The following OSBPL11 variants were observed in gnomAD, a reference collection of about 807,000 sequenced individuals.
The protein encoded by OSBPL11 is oxysterol-binding protein-related protein 11.
A neutral mutation model predicts 84.4 loss-of-function variants in OSBPL11; 33 were observed. That is an observed-to-expected ratio of 0.39 (90% CI 0.30 to 0.52). OSBPL11 has a LOEUF of 0.52. Ranked by LOEUF, OSBPL11 falls within the 20% of genes least tolerant of loss-of-function variation. OSBPL11 has a pLI of 0.72. For synonymous variants in OSBPL11, 276 were observed against 310.2 expected (o/e 0.89, Z 1.16); for missense variants, 736 against 901.1 (o/e 0.82, Z 2.35).
At chr3:125,542,412 A>G (rs556412876) in intron 10 of OSBPL11, among the ~76,000 whole-genome samples, 2 of 151,370 alleles carry the variant, frequency 1.3e-5, no homozygotes, top group African/African-American at 4.9e-5. Flanking sequence ...CTCGGCTCAC[A>G]GCAACCTCTG....
Position 125,595,309 on chromosome 3 carries a change from G to A in OSBPL11, c.-509C>T, listed in dbSNP as rs925854015. Among the ~76,000 whole-genome samples the A allele has an allele frequency of 6.6e-6, 1 of 151,576 alleles. No individual in the cohort carries two copies. Among genetic ancestry groups the A allele is most frequent in the Non-Finnish European group, 1.5e-5 (1 of 67,872 alleles). Reference sequence around the variant, plus strand: ...CCCGAGATACAGCCAGGGCCGGCGCGCGCAGCCGGGGAGGAGGGTCGGGGA... The same window carrying A: ...CCCGAGATACAGCCAGGGCCGGCGCACGCAGCCGGGGAGGAGGGTCGGGGA... On this transcript the variant is annotated 5_prime_UTR_variant, in exon 1 of 13. Transcript: ENST00000296220.
intron 8 of OSBPL11, among the ~76,000 whole-genome samples, chr3:125,554,429 C>A (rs1380837491): frequency 6.6e-6 from 1 of 152,212 alleles, no homozygotes; most frequent in Non-Finnish European, 1.5e-5. Flanking sequence ...ATGATACTGA[C>A]ACCAAGTCTC....
chr3:125,546,747 C>T lies in OSBPL11; in HGVS notation c.1841+659G>A, dbSNP rs1935824015. 2.0e-5 allele frequency among the ~76,000 whole-genome samples: 3 copies of T among 152,026 alleles called. No homozygotes were observed. In the South Asian group the frequency reaches 6.2e-4, roughly 32 times the overall value. On this transcript the variant is annotated intron_variant, in intron 10 of 12. Coordinates refer to ENST00000296220, the MANE Select transcript of OSBPL11 (RefSeq NM_022776.5). ...CTCAACTAAAAATACAAAAAGCAGC[C>T]AGGCATGGTGGCACATGCCGTAATC...
intron 10 of OSBPL11, among the ~76,000 whole-genome samples, chr3:125,542,756 C>A (rs981526723): frequency 6.6e-6 from 1 of 152,048 alleles, no homozygotes; most frequent in African/African-American, 2.4e-5. Context: ...GTGATCTACC[C>A]GCCTCGGCCT....
intron 6 of OSBPL11, among the ~76,000 whole-genome samples, chr3:125,565,623 T>C (rs1936142067): frequency 6.6e-6 from 1 of 152,038 alleles, no homozygotes. Flanking sequence ...ACAGTGGTGG[T>C]TTCTGGTTGG....
At chr3:125,569,554 A>G (rs1288967267) in intron 5 of OSBPL11, among the ~76,000 whole-genome samples, 1 of 152,190 alleles carries the variant, frequency 6.6e-6, no homozygotes, top group Non-Finnish European at 1.5e-5. Context: ...AACACGCAGA[A>G]CCACTCTGAA....
intron 5 of OSBPL11, among the ~76,000 whole-genome samples, chr3:125,568,387 C>T (rs867986474): frequency 4.7e-5 from 7 of 150,072 alleles, no homozygotes; most frequent in East Asian, 2.0e-4. Context: ...GCCAAGATCG[C>T]GCCACTGCAT....
chr3:125,545,465 T>G (rs1446206029), intron 10 of OSBPL11, among the ~76,000 whole-genome samples: 2 of 152,220 alleles, frequency 1.3e-5, no homozygotes, highest in East Asian at 3.8e-4. Flanking sequence ...AACTATTACA[T>G]ATGAGTTTTT....
At chr3:125,553,663 T>A (rs1935947122) in intron 8 of OSBPL11, among the ~76,000 whole-genome samples, 1 of 152,158 alleles carries the variant, frequency 6.6e-6, no homozygotes, top group South Asian at 2.1e-4. Flanking sequence ...GGAAAAGCAA[T>A]GTGAAAAAAT....
chr3:125,575,815 G>A (rs1421708650), intron 5 of OSBPL11, among the ~76,000 whole-genome samples: 2 of 151,904 alleles, frequency 1.3e-5, no homozygotes, highest in African/African-American at 4.8e-5. Context: ...GAGATTACAG[G>A]CTTGAGCCAT....
At chr3:125,575,070 C>T (rs1397945181) in intron 5 of OSBPL11, among the ~76,000 whole-genome samples, 1 of 152,188 alleles carries the variant, frequency 6.6e-6, no homozygotes, top group Non-Finnish European at 1.5e-5. Flanking sequence ...AACACATTAT[C>T]TGTGAATGGC....
In OSBPL11 at chr3:125,579,853, T is replaced by C. The variant is rs1038312813; in HGVS notation, c.409+12A>G. ...GAAAATCACAGTATTAATTCTCATA[T>C]TTTGGTCATACCTCTGAGTTTATAT... is the stretch of plus-strand genomic sequence containing the variant. On this transcript the variant is annotated intron_variant, in intron 3 of 12. Coordinates refer to ENST00000296220, the MANE Select transcript of OSBPL11 (RefSeq NM_022776.5). 1 of 1,611,918 alleles carries C rather than the reference T, an allele frequency of 6.2e-7. No individual in the cohort carries two copies. The highest frequency in any genetic ancestry group is 8.5e-7 in the Non-Finnish European group (1 of 1,178,214).
At chr3:125,572,736 A>C (rs1475568402) in intron 5 of OSBPL11, among the ~76,000 whole-genome samples, 3 of 149,768 alleles carry the variant, frequency 2.0e-5, no homozygotes, top group Non-Finnish European at 4.4e-5. Flanking sequence ...AGTCCATCCA[A>C]CCTCTTTTTC....
At position 125,560,427 on chromosome 3, in the gene OSBPL11, G is replaced by T. The variant is rs36041008; in HGVS notation, c.1107C>A (p.Val369=). 5.7e-5 allele frequency: 92 copies of T among 1,602,092 alleles called. No homozygotes were observed. Among genetic ancestry groups the T allele is most frequent in the Non-Finnish European group, 7.5e-5 (88 of 1,173,276 alleles). Residue 369 remains valine (V), a synonymous_variant, in exon 8 of 13, where the codon GTC becomes GTA. Coordinates refer to ENST00000296220, the MANE Select transcript of OSBPL11 (RefSeq NM_022776.5). ...DLGAVEEQRS[V]ILHLLSQLKL... ...TAAGCTGTGACAAGAGATGTAGGAT[G>T]ACACTACGTTGTTCTTCTACAGCTC... is the stretch of plus-strand genomic sequence containing the variant.
At chr3:125,565,526 A>G (rs1049727304) in intron 6 of OSBPL11, among the ~76,000 whole-genome samples, 2 of 152,222 alleles carry the variant, frequency 1.3e-5, no homozygotes, top group Non-Finnish European at 2.9e-5. Context: ...ATACAAACGT[A>G]TATTTTCCAA....
intron 11 of OSBPL11, among the ~76,000 whole-genome samples, chr3:125,532,363 A>C (rs1462052911): frequency 2.0e-5 from 3 of 152,188 alleles, no homozygotes; most frequent in African/African-American, 7.2e-5. Context: ...ATGATGAAAT[A>C]ATGGGGAACA....
chr3:125,594,516 T>A, intron 1 of OSBPL11, 121 bp downstream of exon 1: 1 of 1,152,224 alleles, frequency 8.7e-7, no homozygotes, highest in Non-Finnish European at 1.2e-6. Context: ...ACGAGATGTA[T>A]CAGTAGCTTC....
chr3:125,554,137 T>C (rs1935955334), intron 8 of OSBPL11, among the ~76,000 whole-genome samples: 1 of 152,200 alleles, frequency 6.6e-6, no homozygotes, highest in Non-Finnish European at 1.5e-5. Flanking sequence ...CTCCACACTG[T>C]TAGTAACTAC....
intron 1 of OSBPL11, among the ~76,000 whole-genome samples, chr3:125,585,153 CAG>C (rs1159261737): frequency 6.6e-6 from 1 of 152,088 alleles, no homozygotes; most frequent in Non-Finnish European, 1.5e-5. Context: ...TTAATTGCGA[CAG>C]AGTCTCGCTC....
Sources: allele counts gnomAD v4.1 joint callset (sites outside exome capture counted in the v4.1 genomes callset), GRCh38; gene constraint gnomAD v4.1.1; transcripts MANE v1.5; gene names NCBI Gene and HGNC (gene_info 2026-07-23, HGNC 2026-07-21).